CWF19L2: variants seen among roughly 807,000 people sequenced by gnomAD.
CWF19L2 encodes the protein CWF19-like protein 2.
A neutral mutation model predicts 111.7 loss-of-function variants in CWF19L2; 98 were observed. That is an observed-to-expected ratio of 0.88 (90% CI 0.75 to 1.04). The LOEUF (loss-of-function observed/expected upper bound fraction) is 1.04. Ranked by LOEUF, CWF19L2 falls within the 50% of genes least tolerant of loss-of-function variation. CWF19L2 has a pLI of 0.00. For synonymous variants in CWF19L2, 351 were observed against 342.9 expected (o/e 1.02, Z -0.26); for missense variants, 1,101 against 1,051.4 (o/e 1.05, Z -0.65).
intron 12 of CWF19L2, among the ~76,000 whole-genome samples, chr11:107,383,941 T>C (rs1860729327): frequency 6.6e-6 from 1 of 152,228 alleles, no homozygotes; most frequent in Non-Finnish European, 1.5e-5. Context: ...CACAGTTCTT[T>C]GTACATCCAA....
chr11:107,368,447 C>T (rs1860464188), intron 12 of CWF19L2, among the ~76,000 whole-genome samples: 1 of 138,214 alleles, frequency 7.2e-6, no homozygotes, highest in Admixed American at 7.1e-5. Flanking sequence ...TTTAAGCATG[C>T]TAAAGATTCT....
In CWF19L2 at chr11:107,438,740, A is replaced by G. The variant is rs538173163; in HGVS notation, c.664+350T>C. Among the ~76,000 whole-genome samples the G allele has an allele frequency of 3.9e-5, 6 of 152,286 alleles. No homozygotes were observed. In the East Asian group the frequency reaches 1.2e-3, roughly 29 times the overall value. On this transcript the variant is annotated intron_variant, in intron 6 of 17. Transcript: ENST00000282251. ...ATACGTAAACTTGGGTCATACACTT[A>G]TAATACCAAAAGAAATGCCTGAGGC...
chr11:107,450,478 C>T (rs770933779), intron 3 of CWF19L2, among the ~76,000 whole-genome samples: 7 of 151,850 alleles, frequency 4.6e-5, no homozygotes, highest in Non-Finnish European at 1.0e-4. Context: ...ACTTGAGCCC[C>T]AGGGGTTGAA....
At chr11:107,382,412 T>C (rs1860700281) in intron 12 of CWF19L2, among the ~76,000 whole-genome samples, 2 of 152,206 alleles carry the variant, frequency 1.3e-5, no homozygotes, top group African/African-American at 4.8e-5. Flanking sequence ...TTACTTAGCC[T>C]TGCGTTAAGT....
At chr11:107,441,120 TA>T (rs1300341151) in intron 5 of CWF19L2, among the ~76,000 whole-genome samples, 2 of 152,162 alleles carry the variant, frequency 1.3e-5, no homozygotes, top group African/African-American at 2.4e-5. Context: ...CAATAAAGTA[TA>T]AAATAAGCAT....
At chr11:107,427,959 C>A (rs1861404141) in intron 8 of CWF19L2, among the ~76,000 whole-genome samples, 1 of 152,078 alleles carries the variant, frequency 6.6e-6, no homozygotes, top group Admixed American at 6.6e-5. Flanking sequence ...GACTCACAAC[C>A]CCAAACCACA....
chr11:107,415,917 G>A (rs1457040502), intron 10 of CWF19L2, among the ~76,000 whole-genome samples: 1 of 151,886 alleles, frequency 6.6e-6, no homozygotes, highest in African/African-American at 2.4e-5. Context: ...GGCCAACATG[G>A]TGAAACCCAT....
At chr11:107,408,687 A>G (rs369305844) in intron 10 of CWF19L2, among the ~76,000 whole-genome samples, 5 of 152,144 alleles carry the variant, frequency 3.3e-5, no homozygotes, top group African/African-American at 1.2e-4. Context: ...GTTAAAAAAT[A>G]CAAGCTGAAC....
rs1450852577 is a variant in CWF19L2 at position 107,381,170 on chromosome 11, A to G, written c.1872+8904T>C. On this transcript the variant is annotated intron_variant, in intron 12 of 17. Coordinates refer to ENST00000282251, the MANE Select transcript of CWF19L2 (RefSeq NM_152434.3). ...AATGGATAGTGGTGATGGTTGCAAAATATTTCAATTTATTAATACTTAATG... is the reference window on the plus strand; with the variant it reads ...AATGGATAGTGGTGATGGTTGCAAAGTATTTCAATTTATTAATACTTAATG... 6.6e-5 allele frequency among the ~76,000 whole-genome samples: 10 copies of G among 152,278 alleles called. No individual in the cohort carries two copies. The East Asian group carries it at 1.9e-3, about 29-fold the overall frequency.
At chr11:107,421,659 C>G (rs1321243000) in intron 8 of CWF19L2, among the ~76,000 whole-genome samples, 1 of 152,082 alleles carries the variant, frequency 6.6e-6, no homozygotes, top group Non-Finnish European at 1.5e-5. Flanking sequence ...AATGAGCTAC[C>G]ACTACACATC....
intron 10 of CWF19L2, among the ~76,000 whole-genome samples, chr11:107,413,159 A>G (rs1203504559): frequency 6.6e-6 from 1 of 152,182 alleles, no homozygotes; most frequent in African/African-American, 2.4e-5. Flanking sequence ...AGGTTCATCA[A>G]TTGTAACAAA....
intron 7 of CWF19L2, among the ~76,000 whole-genome samples, chr11:107,430,662 C>T (rs1220549243): frequency 6.6e-6 from 1 of 151,946 alleles, no homozygotes; most frequent in Non-Finnish European, 1.5e-5. Context: ...AAACAATTTT[C>T]AAGGAAAAGA....
intron 12 of CWF19L2, among the ~76,000 whole-genome samples, chr11:107,378,878 T>A (rs1193548587): frequency 6.6e-6 from 1 of 152,046 alleles, no homozygotes; most frequent in East Asian, 1.9e-4. Flanking sequence ...GATAGTGTGA[T>A]GGCAACAGGA....
intron 8 of CWF19L2, among the ~76,000 whole-genome samples, chr11:107,423,377 T>C (rs1046682122): frequency 6.6e-6 from 1 of 151,982 alleles, no homozygotes; most frequent in Non-Finnish European, 1.5e-5. Context: ...TTTACATGTA[T>C]GTATAACACA....
chr11:107,455,760 T>C lies in CWF19L2; in HGVS notation c.122A>G (p.Glu41Gly), dbSNP rs779089779. The stretch of plus-strand genomic sequence containing the variant: ...AAGTTCTTTACGCCTTTCTTCTTTT[T>C]CAAAATTGGCTTTAGCCTACAACCA... ...EVLRQAKANF[E>G]KEERRKELKR... is the part of the protein sequence containing the mutation. The change falls in exon 2 of 18, where the codon GAA becomes GGA. Residue 41 changes from glutamate to glycine, a missense_variant. Physicochemically the swap from Glu to Gly is moderately conservative, Grantham distance 98. Coordinates refer to ENST00000282251, the MANE Select transcript of CWF19L2 (RefSeq NM_152434.3). The C allele has an allele frequency of 2.8e-5, 43 of 1,550,288 alleles. No homozygotes were observed. The highest frequency in any genetic ancestry group is 3.5e-5 in the Non-Finnish European group (40 of 1,146,286).
chr11:107,424,411 T>A (rs1861345972), intron 8 of CWF19L2, among the ~76,000 whole-genome samples: 2 of 150,734 alleles, frequency 1.3e-5, no homozygotes, highest in Non-Finnish European at 3.0e-5. Context: ...TAACTCTTAA[T>A]AATTTAGTCT....
rs929833388 is a variant in CWF19L2 at position 107,348,428 on chromosome 11, A to G, written c.2202+509T>C. 2.0e-5 allele frequency among the ~76,000 whole-genome samples: 3 copies of G among 152,276 alleles called. No individual in the cohort carries two copies. In the South Asian group the frequency reaches 6.2e-4, roughly 32 times the overall value. On this transcript the variant is annotated intron_variant, in intron 14 of 17. Coordinates refer to ENST00000282251, the MANE Select transcript of CWF19L2 (RefSeq NM_152434.3). ...CCACAAAAACAAATCCCTGAATCCA[A>G]AAGCTGGGCCAGATTATGAAGGAAA... is the stretch of plus-strand genomic sequence containing the variant.
chr11:107,403,121 G>T (rs981085010), intron 10 of CWF19L2, among the ~76,000 whole-genome samples: 1 of 150,110 alleles, frequency 6.7e-6, no homozygotes, highest in Non-Finnish European at 1.5e-5. Flanking sequence ...TGTGAAGGGG[G>T]TGAGGGATAA....
Position 107,344,249 on chromosome 11 carries a change from A to C in CWF19L2, c.2202+4688T>G, listed in dbSNP as rs1207790098. Among the ~76,000 whole-genome samples the C allele has an allele frequency of 2.0e-5, 3 of 152,144 alleles. No individual in the cohort carries two copies. The East Asian group carries it at 5.8e-4, about 29-fold the overall frequency. ...CTGGGGCTGCCAGCATTTCTTGGCT[A>C]GTGGCTGCATCATTTCAGTCTCTGC... On this transcript the variant is annotated intron_variant, in intron 14 of 17. Coordinates refer to ENST00000282251, the MANE Select transcript of CWF19L2 (RefSeq NM_152434.3).
Sources: gnomAD v4.1 joint callset for allele counts (sites outside exome capture counted in the v4.1 genomes callset) on GRCh38, gnomAD v4.1.1 for gene constraint, MANE v1.5 for transcripts, NCBI Gene and HGNC (gene_info 2026-07-23, HGNC 2026-07-21) for gene names.